Variants in SLC25A17 observed in about 807,000 individuals in gnomAD.
SLC25A17 encodes the protein solute carrier family 25 member 17, also known as peroxisomal membrane protein PMP34.
SLC25A17 carries 26 observed loss-of-function variants against 38.5 expected under a neutral mutation model. The ratio of observed to expected loss-of-function variants is 0.68; its 90% CI spans 0.50 to 0.94. The LOEUF is 0.94. SLC25A17 is among the 40% of genes least tolerant of loss of function. The probability of loss-of-function intolerance (pLI) is 0.00; values close to 1 mark genes in which losing one functional copy is unlikely to be tolerated. For synonymous variants in SLC25A17, 139 were observed against 136.2 expected (o/e 1.02, Z -0.14); for missense variants, 333 against 372.7 (o/e 0.89, Z 0.88).
At chr22:40,777,600 G>A (rs2057258064) in intron 5 of SLC25A17, among the ~76,000 whole-genome samples, 1 of 152,076 alleles carries the variant, frequency 6.6e-6, no homozygotes, top group East Asian at 1.9e-4. Context: ...CAGCCAGCAT[G>A]GTGAAACCCT....
rs1036170714 is a variant in SLC25A17 at position 40,819,342 on chromosome 22, G to A, written c.-94C>T. 7.2e-6 allele frequency: 9 copies of A among 1,254,340 alleles called. No individual in the cohort carries two copies. The highest frequency in any genetic ancestry group is 3.8e-5 in the Admixed American group (2 of 51,976). The allele number at this position is 1,254,340 out of a possible 1,614,324, so 77.7% of individuals were successfully genotyped here. Reference sequence around the variant, plus strand: ...GAGCACCGGAGCTCAGGGTGTGAGAGTCGCAATCCCCGCCCTCTCAAACCC... The same window carrying A: ...GAGCACCGGAGCTCAGGGTGTGAGAATCGCAATCCCCGCCCTCTCAAACCC... On this transcript the variant is annotated 5_prime_UTR_variant, in exon 1 of 9. Coordinates refer to ENST00000435456, the MANE Select transcript of SLC25A17 (RefSeq NM_006358.4).
intron 1 of SLC25A17, among the ~76,000 whole-genome samples, chr22:40,816,755 C>T (rs960584510): frequency 9.9e-5 from 15 of 152,108 alleles, no homozygotes; most frequent in African/African-American, 2.2e-4. Flanking sequence ...GGATTACAGG[C>T]GCCCACCACC....
chr22:40,795,647 TG>T (rs1283389527), intron 2 of SLC25A17, among the ~76,000 whole-genome samples: 1 of 152,220 alleles, frequency 6.6e-6, no homozygotes, highest in Non-Finnish European at 1.5e-5. Flanking sequence ...ATTCAATTAA[TG>T]TATATATTTT....
At chr22:40,794,792 G>T (rs755588287) in intron 2 of SLC25A17, among the ~76,000 whole-genome samples, 2 of 151,974 alleles carry the variant, frequency 1.3e-5, no homozygotes, top group Non-Finnish European at 2.9e-5. Flanking sequence ...GCTAATTTTT[G>T]TATTTTAGTA....
intron 2 of SLC25A17, chr22:40,797,117 G>C (rs2057437812): frequency 4.9e-5 from 18 of 367,070 alleles, no homozygotes; most frequent in South Asian, 3.8e-4. Flanking sequence ...AAGAGGAAAG[G>C]GAGACAGGGC....
At chr22:40,790,914 AAAC>A (rs2057379789) in intron 4 of SLC25A17, among the ~76,000 whole-genome samples, 1 of 152,214 alleles carries the variant, frequency 6.6e-6, no homozygotes, top group South Asian at 2.1e-4. Context: ...TTTATGTAAA[AAAC>A]AAGTCTTTTT....
Position 40,787,379 on chromosome 22 carries a change from C to G in SLC25A17, c.334+5146G>C, listed in dbSNP as rs1290625569. ...TGGCATAAGCAGATTTGAGAATAAA[C>G]AGTTCACTCTTGGTAAGCGTAAAAC... On this transcript the variant is annotated intron_variant, in intron 4 of 8. Transcript: ENST00000435456. Among the ~76,000 whole-genome samples, 4 of 152,292 alleles carry G rather than the reference C, an allele frequency of 2.6e-5. No homozygotes were observed. In the East Asian group the frequency reaches 7.7e-4, roughly 29 times the overall value.
chr22:40,819,137 C>T, intron 1 of SLC25A17, 58 bp downstream of exon 1: 1 of 1,579,760 alleles, frequency 6.3e-7, no homozygotes, highest in Non-Finnish European at 8.7e-7. Flanking sequence ...TATCCCGGGA[C>T]TGGCCCCCGA....
chr22:40,772,019 A>G (rs1453662182), intron 8 of SLC25A17, among the ~76,000 whole-genome samples: 4 of 149,176 alleles, frequency 2.7e-5, no homozygotes, highest in Admixed American at 2.0e-4. Context: ...TAAAAAATTA[A>G]AAAAAAAAAA....
In SLC25A17 at chr22:40,794,552, T is replaced by C; in HGVS notation, c.144A>G (p.Thr48=). 1 of 1,611,856 alleles carries C rather than the reference T, an allele frequency of 6.2e-7. No homozygotes were observed. Among genetic ancestry groups the C allele is most frequent in the South Asian group, 1.1e-5 (1 of 90,966 alleles). Residue 48 remains threonine, a synonymous_variant, in exon 3 of 9, where the codon ACA becomes ACG. Transcript: ENST00000435456. ...QVDEKRKSKT[T]HMVLLEIIKE... is the part of the protein sequence containing the mutation. ...TAATGATCTCCAGGAGCACCATGTGTGTAGTTTTGGATTTTCTTTTCTCAT... is the reference window on the plus strand; with the variant it reads ...TAATGATCTCCAGGAGCACCATGTGCGTAGTTTTGGATTTTCTTTTCTCAT...
At chr22:40,784,916 C>CAAATAAGGT (rs2057325328) in intron 4 of SLC25A17, among the ~76,000 whole-genome samples, 1 of 151,918 alleles carries the variant, frequency 6.6e-6, no homozygotes, top group Non-Finnish European at 1.5e-5. Context: ...GCCAACTGTT[C>CAAATAAGGT]AAATAAGGTA....
intron 1 of SLC25A17, among the ~76,000 whole-genome samples, chr22:40,805,307 C>T (rs1569411575): frequency 6.6e-6 from 1 of 152,202 alleles, no homozygotes; most frequent in Non-Finnish European, 1.5e-5. Flanking sequence ...GAGCCAAGTT[C>T]GTGCTACTAC....
intron 8 of SLC25A17, 67 bp downstream of exon 8, chr22:40,773,870 C>T: frequency 9.0e-7 from 1 of 1,111,146 alleles, no homozygotes; most frequent in Non-Finnish European, 1.4e-6. Flanking sequence ...GAGGGAAATG[C>T]AACCCCTCCC....
At chr22:40,802,570 G>A (rs1021232863) in intron 1 of SLC25A17, among the ~76,000 whole-genome samples, 9 of 152,090 alleles carry the variant, frequency 5.9e-5, no homozygotes, top group African/African-American at 1.9e-4. Context: ...ACTTGAACCC[G>A]GGAGGCGGAG....
intron 1 of SLC25A17, among the ~76,000 whole-genome samples, chr22:40,800,241 C>G (rs1269431183): frequency 4.0e-5 from 6 of 151,890 alleles, no homozygotes; most frequent in Non-Finnish European, 5.9e-5. Context: ...ATATAAAAAC[C>G]ACAAACATAT....
At chr22:40,780,822 C>T (rs1200067501) in intron 4 of SLC25A17, among the ~76,000 whole-genome samples, 1 of 152,118 alleles carries the variant, frequency 6.6e-6, no homozygotes, top group Non-Finnish European at 1.5e-5. Context: ...TAGGCACATA[C>T]AAAAACACTT....
Position 40,770,708 on chromosome 22 carries a change from G to T in SLC25A17, c.*126C>A. ...CCATACTCCCTGTGCACCCTTGGAT[G>T]CTTTTCAAGCCAATGAGGGTAACAT... On this transcript the variant is annotated 3_prime_UTR_variant, in exon 9 of 9. Coordinates refer to ENST00000435456, the MANE Select transcript of SLC25A17 (RefSeq NM_006358.4). 1.0e-6 allele frequency: 1 copy of T among 991,648 alleles called. No homozygotes were observed. The highest frequency in any genetic ancestry group is 1.4e-6 in the Non-Finnish European group (1 of 703,694). The allele number at this position is 991,648 out of a possible 1,614,324, so 61.4% of individuals were successfully genotyped here.
chr22:40,806,789 G>A (rs2057533767), intron 1 of SLC25A17, among the ~76,000 whole-genome samples: 1 of 152,088 alleles, frequency 6.6e-6, no homozygotes, highest in Non-Finnish European at 1.5e-5. Context: ...CTCTATTCTG[G>A]ATATTTACTC....
intron 8 of SLC25A17, among the ~76,000 whole-genome samples, chr22:40,771,949 C>T (rs2057187889): frequency 6.6e-6 from 1 of 150,438 alleles, no homozygotes; most frequent in Non-Finnish European, 1.5e-5. Flanking sequence ...ATGCCTGTAT[C>T]AAAACATCTC....
Sources: allele counts gnomAD v4.1 joint callset (sites outside exome capture counted in the v4.1 genomes callset), GRCh38; gene constraint gnomAD v4.1.1; transcripts MANE v1.5; gene names NCBI Gene and HGNC (gene_info 2026-07-23, HGNC 2026-07-21).